The following AK7 variants were observed in gnomAD, a reference collection of about 807,000 sequenced individuals.
AK7 encodes adenylate kinase 7, also known as ATP-AMP transphosphorylase 7.
A neutral mutation model predicts 96.6 loss-of-function variants in AK7; 78 were observed. That is an observed-to-expected ratio of 0.81 (90% CI 0.67 to 0.97). The LOEUF (loss-of-function observed/expected upper bound fraction) is 0.97. AK7 is among the 50% of genes least tolerant of loss of function. The pLI is 0.00. For synonymous variants in AK7, 302 were observed against 317.2 expected, an observed-to-expected ratio of 0.95 and a Z score of 0.51; for missense variants, 855 against 887.9, an observed-to-expected ratio of 0.96 and a Z score of 0.47.
chr14:96,429,094 T>C (rs962500511), intron 5 of AK7, among the ~76,000 whole-genome samples: 3 of 152,260 alleles, frequency 2.0e-5, no homozygotes, highest in African/African-American at 4.8e-5. Context: ...TTTATGGTTT[T>C]AGATTTAACA....
At chr14:96,453,489 A>C (rs1349612664) in intron 10 of AK7, among the ~76,000 whole-genome samples, 2 of 152,226 alleles carry the variant, frequency 1.3e-5, no homozygotes, top group African/African-American at 4.8e-5. Context: ...TGACATCCCC[A>C]AAAGATGGAG....
chr14:96,405,573 C>G (rs1477325320), intron 3 of AK7, among the ~76,000 whole-genome samples: 1 of 152,084 alleles, frequency 6.6e-6, no homozygotes, highest in Non-Finnish European at 1.5e-5. Flanking sequence ...GATACAAAGA[C>G]AGATAAGAAA....
chr14:96,468,939 C>A (rs1002298797), intron 12 of AK7, among the ~76,000 whole-genome samples: 2 of 152,026 alleles, frequency 1.3e-5, no homozygotes, highest in Non-Finnish European at 2.9e-5. Context: ...TACAGCTGAA[C>A]CCTGGCCAAA....
Position 96,483,284 on chromosome 14 carries a change from C to G in AK7, c.1974+65C>G, listed in dbSNP as rs895271546. 32 of 1,485,688 alleles carry G rather than the reference C, an allele frequency of 2.2e-5. 2 individuals carry two copies. In the South Asian group the frequency reaches 3.8e-4, roughly 17 times the overall value. The allele number at this position is 1,485,688 out of a possible 1,614,324, so 92.0% of individuals were successfully genotyped here. A position where few individuals can be genotyped will look rare whatever the true frequency, so the allele number is the denominator to read the frequency against. On this transcript the variant is annotated intron_variant, in intron 16 of 17. Transcript: ENST00000267584. ...AACAGGGGTGCGGTGCCTGGCAAAG[C>G]CATTTAGGCCAGTTCCACTTCCCAT...
chr14:96,477,921 CCCTG>C (rs1895275442), intron 14 of AK7, among the ~76,000 whole-genome samples: 2 of 152,144 alleles, frequency 1.3e-5, no homozygotes, highest in African/African-American at 4.8e-5. Flanking sequence ...CGTGGCTTAT[CCCTG>C]CCAGCACTTT....
intron 5 of AK7, among the ~76,000 whole-genome samples, chr14:96,432,510 T>C (rs1443124585): frequency 6.6e-6 from 1 of 152,222 alleles, no homozygotes; most frequent in Admixed American, 6.5e-5. Context: ...GGCATGTTTT[T>C]GCAGTGGCTG....
chr14:96,477,503 C>G (rs1383700242), intron 14 of AK7, among the ~76,000 whole-genome samples: 1 of 152,164 alleles, frequency 6.6e-6, no homozygotes, highest in Non-Finnish European at 1.5e-5. Flanking sequence ...ATACCCTGCT[C>G]CTGTAGTTGA....
intron 4 of AK7, among the ~76,000 whole-genome samples, chr14:96,415,757 T>C (rs889596776): frequency 6.9e-6 from 1 of 145,482 alleles, no homozygotes; most frequent in Non-Finnish European, 1.5e-5. Flanking sequence ...TTAATTAATT[T>C]AATACATTAA....
intron 11 of AK7, 113 bp from the exon 12 acceptor site, chr14:96,457,970 G>A (rs1894026156): frequency 6.9e-7 from 1 of 1,447,946 alleles, no homozygotes; most frequent in Non-Finnish European, 9.3e-7. Flanking sequence ...GCTGTCATAG[G>A]GTACCTGTCC....
intron 12 of AK7, among the ~76,000 whole-genome samples, chr14:96,459,736 G>A (rs1016084849): frequency 6.6e-6 from 1 of 151,816 alleles, no homozygotes; most frequent in Non-Finnish European, 1.5e-5. Context: ...AATTAGCCAG[G>A]CACGGTGGTA....
chr14:96,438,612 G>A (rs1257825732), intron 6 of AK7, among the ~76,000 whole-genome samples: 2 of 152,164 alleles, frequency 1.3e-5, no homozygotes, highest in Admixed American at 6.6e-5. Flanking sequence ...AGGTCAAAGC[G>A]GTAATGAGAG....
intron 9 of AK7, among the ~76,000 whole-genome samples, chr14:96,450,569 C>A (rs1459815572): frequency 6.8e-5 from 10 of 147,790 alleles, no homozygotes; most frequent in African/African-American, 1.7e-4. Flanking sequence ...TCCATCACAA[C>A]AAAAAAAAAA....
At position 96,489,084 on chromosome 14, in the gene AK7, A is replaced by C. The variant is rs770159323; in HGVS notation, c.*741A>C. 3.9e-5 allele frequency: 6 copies of C among 152,248 alleles called. No homozygotes were observed. Among genetic ancestry groups the C allele is most frequent in the Non-Finnish European group, 7.3e-5 (5 of 68,046 alleles). 9.4% of individuals were successfully genotyped at this position (152,248 alleles called of 1,614,324 possible). ...CCATAAGATTCCTAGAATTACCCTA[A>C]ATGAGAAATTAGTTTAGGTTTAATG... On this transcript the variant is annotated 3_prime_UTR_variant, in exon 18 of 18. Coordinates refer to ENST00000267584, the MANE Select transcript of AK7 (RefSeq NM_152327.5).
intron 1 of AK7, among the ~76,000 whole-genome samples, chr14:96,393,491 C>T (rs552646903): frequency 6.3e-4 from 96 of 152,326 alleles, no homozygotes; most frequent in African/African-American, 2.2e-3. Context: ...CTACTGGAAG[C>T]TCCAGGGGAA....
intron 8 of AK7, 81 bp downstream of exon 8, chr14:96,446,688 C>T: frequency 7.6e-7 from 1 of 1,314,548 alleles, no homozygotes; most frequent in South Asian, 1.2e-5. Context: ...TGCCTGTAAT[C>T]CTAGCATTTT....
chr14:96,470,234 G>C (rs576713980), intron 12 of AK7, among the ~76,000 whole-genome samples: 2 of 151,772 alleles, frequency 1.3e-5, no homozygotes, highest in South Asian at 2.1e-4. Flanking sequence ...GGAAGGAAGA[G>C]GGGGAGGATG....
chr14:96,446,667 G>A (rs1429061044), intron 8 of AK7, 60 bp downstream of exon 8: 49 of 1,495,356 alleles, frequency 3.3e-5, no homozygotes, highest in Admixed American at 1.5e-4. Context: ...CTGGCTGGGC[G>A]CGGTGGCTCA....
chr14:96,443,780 A>AATTTTTT (rs374223283), intron 7 of AK7, among the ~76,000 whole-genome samples: 2 of 137,612 alleles, frequency 1.5e-5, no homozygotes, highest in Non-Finnish European at 3.1e-5. Context: ...AAAACTCATA[A>AATTTTTT]TTTTTTTTTT....
intron 7 of AK7, among the ~76,000 whole-genome samples, chr14:96,444,206 C>T (rs1234679615): frequency 2.0e-5 from 3 of 152,116 alleles, no homozygotes; most frequent in Non-Finnish European, 4.4e-5. Flanking sequence ...TCAGGCACTA[C>T]AAAACCCTGG....
Sources: allele counts gnomAD v4.1 joint callset (sites outside exome capture counted in the v4.1 genomes callset), GRCh38; gene constraint gnomAD v4.1.1; transcripts MANE v1.5; gene names NCBI Gene and HGNC (gene_info 2026-07-23, HGNC 2026-07-21).